Variants in METRNL observed in about 807,000 individuals in gnomAD.
METRNL encodes meteorin-like protein.
A neutral mutation model predicts 17.4 loss-of-function variants in METRNL; 9 were observed. That is an observed-to-expected ratio of 0.52 (90% CI 0.31 to 0.90). The LOEUF is 0.90. Among genes scored for constraint, METRNL ranks in the 40% least tolerant of loss-of-function variants. The pLI, the probability that METRNL is intolerant of heterozygous loss-of-function variation, is 0.05. For synonymous variants in METRNL, 215 were observed against 199.3 expected (o/e 1.08, Z -0.66); for missense variants, 408 against 430.7 (o/e 0.95, Z 0.47).
intron 1 of METRNL, among the ~76,000 whole-genome samples, chr17:83,082,743 C>T (rs1417516720): frequency 6.6e-6 from 1 of 152,198 alleles, no homozygotes; most frequent in African/African-American, 2.4e-5. Flanking sequence ...TTGAGGCACT[C>T]GATTTTCTGG....
chr17:83,089,308 G>A (rs1388045494), intron 2 of METRNL, among the ~76,000 whole-genome samples: 1 of 151,924 alleles, frequency 6.6e-6, no homozygotes, highest in Admixed American at 6.5e-5. Context: ...GTGTCCCCCC[G>A]CTACCCCGTC....
chr17:83,085,494 T>C (rs1200793287), intron 2 of METRNL, among the ~76,000 whole-genome samples, 171 bp downstream of exon 2: 2 of 151,910 alleles, frequency 1.3e-5, no homozygotes, highest in East Asian at 3.9e-4. Context: ...CCCAGGTGGC[T>C]GGGGTTGGGG....
intron 1 of METRNL, 185 bp from the exon 2 acceptor site, chr17:83,084,753 A>T: frequency 4.7e-6 from 3 of 633,728 alleles, no homozygotes; most frequent in Non-Finnish European, 2.6e-6. Context: ...CCTTGTGCCG[A>T]AGGGCGGAGA....
Position 83,094,605 on chromosome 17 carries a change from A to T in METRNL, c.*30A>T, listed in dbSNP as rs1395958509. The T allele has an allele frequency of 2.1e-6, 3 of 1,423,178 alleles. No homozygotes were observed. The highest frequency in any genetic ancestry group is 1.8e-6 in the Non-Finnish European group (2 of 1,083,806). 88.2% of individuals were successfully genotyped at this position (1,423,178 alleles called of 1,614,324 possible). ...GTGGGCCGCTGCCCTTCCTCTCCTG[A>T]TGAGTCACAGGCTGCGGTGGGCGCT... On this transcript the variant is annotated 3_prime_UTR_variant, in exon 4 of 4. Coordinates refer to ENST00000320095, the MANE Select transcript of METRNL (RefSeq NM_001004431.3).
At chr17:83,087,513 C>T (rs955866477) in intron 2 of METRNL, among the ~76,000 whole-genome samples, 10 of 152,104 alleles carry the variant, frequency 6.6e-5, no homozygotes, top group South Asian at 2.1e-4. Context: ...AGGAGGGATC[C>T]GAGGAGGCTG....
chr17:83,083,645 G>A (rs934052606), intron 1 of METRNL, among the ~76,000 whole-genome samples: 1 of 152,212 alleles, frequency 6.6e-6, no homozygotes, highest in Non-Finnish European at 1.5e-5. Flanking sequence ...GGTGGGGAGA[G>A]GGTGAGGAGG....
At chr17:83,093,110 G>T in intron 2 of METRNL, 57 bp from the exon 3 acceptor site, 1 of 1,456,558 alleles carries the variant, frequency 6.9e-7, no homozygotes. Flanking sequence ...GGTGGTGGGC[G>T]GCGTTCCAGA....
chr17:83,088,674 C>T (rs571531104), intron 2 of METRNL, among the ~76,000 whole-genome samples: 4 of 140,810 alleles, frequency 2.8e-5, no homozygotes, highest in East Asian at 5.4e-4. Flanking sequence ...TCCAGGACGC[C>T]GGAGTCCTGC....
intron 1 of METRNL, chr17:83,084,599 C>T (rs1014245453): frequency 1.1e-4 from 36 of 326,176 alleles, no homozygotes; most frequent in African/African-American, 4.3e-4. Context: ...TGGTGTTTGA[C>T]GCTACGGCAG....
rs1384966417 is a variant in METRNL at position 83,090,139 on chromosome 17, CCCCCG to C, written c.557-3018_557-3014del. On this transcript the variant is annotated intron_variant, in intron 2 of 3. Transcript: ENST00000320095. ...CCTGCCCCAGGGTGGGAGCCACACACCCCCGCCCCGCCCCAGGGTGGGAGCCACAC... is the reference window on the plus strand; with the variant it reads ...CCTGCCCCAGGGTGGGAGCCACACACCCCCGCCCCAGGGTGGGAGCCACAC... Among the ~76,000 whole-genome samples the C allele has an allele frequency of 9.7e-3, 1,396 of 143,288 alleles. 16 individuals carry two copies. The highest frequency in any genetic ancestry group is 0.014 in the Non-Finnish European group (913 of 63,382). The allele number at this position is 143,288 out of a possible 152,430, so 94.0% of individuals were successfully genotyped here. A position where few individuals can be genotyped will look rare whatever the true frequency, so the allele number is the denominator to read the frequency against.
chr17:83,081,675 C>A (rs1328867358), intron 1 of METRNL, among the ~76,000 whole-genome samples: 1 of 151,174 alleles, frequency 6.6e-6, no homozygotes, highest in Non-Finnish European at 1.5e-5. Flanking sequence ...CCCACACACA[C>A]ACACAGGGGA....
At chr17:83,093,612 C>A (rs112118474) in intron 3 of METRNL, among the ~76,000 whole-genome samples, 3 of 152,228 alleles carry the variant, frequency 2.0e-5, no homozygotes, top group South Asian at 4.1e-4. Flanking sequence ...CCTTGCCCCC[C>A]ACCAGAGTTC....
intron 2 of METRNL, among the ~76,000 whole-genome samples, chr17:83,089,716 C>T (rs866810032): frequency 3.9e-5 from 6 of 152,164 alleles, no homozygotes; most frequent in African/African-American, 1.4e-4. Flanking sequence ...ATGAGCCTGG[C>T]TCCTGTTAAT....
rs1468981346 is a variant in METRNL, at chr17:83,085,055, C to T, written c.288C>T (p.Asn96=). The change falls in exon 2 of 4, where the codon AAC becomes AAT. Residue 96 remains asparagine (N), a synonymous_variant. Transcript: ENST00000320095. ...TGALIVNLRP[N]TFSPARHLTV... is the part of the protein sequence containing the mutation. ...CTCTCATCGTTAACCTGCGGCCCAA[C>T]ACCTTCTCGCCTGCCCGGCACCTGA... 3.2e-5 allele frequency: 51 copies of T among 1,613,838 alleles called. No individual in the cohort carries two copies. The highest frequency in any genetic ancestry group is 4.0e-5 in the Non-Finnish European group (47 of 1,180,040).
At chr17:83,083,333 T>A (rs1163400784) in intron 1 of METRNL, among the ~76,000 whole-genome samples, 2 of 151,800 alleles carry the variant, frequency 1.3e-5, no homozygotes, top group Non-Finnish European at 2.9e-5. Flanking sequence ...CAGGACGGTG[T>A]ATGTGGAGAG....
chr17:83,089,663 A>T (rs1199695780), intron 2 of METRNL, among the ~76,000 whole-genome samples: 1 of 151,928 alleles, frequency 6.6e-6, no homozygotes, highest in Non-Finnish European at 1.5e-5. Flanking sequence ...CGCCCTGGAG[A>T]CGAGGTGCAA....
At chr17:83,082,408 C>G (rs1391104741) in intron 1 of METRNL, among the ~76,000 whole-genome samples, 6 of 152,230 alleles carry the variant, frequency 3.9e-5, no homozygotes, top group African/African-American at 1.4e-4. Flanking sequence ...TTGGGATTTG[C>G]CCTCCTTTCC....
At chr17:83,093,104 G>C (rs923591426) in intron 2 of METRNL, 63 bp from the exon 3 acceptor site, 18 of 1,405,698 alleles carry the variant, frequency 1.3e-5, no homozygotes, top group Admixed American at 3.5e-5. Flanking sequence ...TTTGACGGTG[G>C]TGGGCGGCGT....
rs559170305 is a variant in METRNL at position 83,091,233 on chromosome 17, C to A, written c.557-1934C>A. On this transcript the variant is annotated intron_variant, in intron 2 of 3. Transcript: ENST00000320095. ...GCCTCGAGGCGCCCCCAGTGCCAGG[C>A]TGGACCGGGCCTCGAGGCGCTCAGC... Among the ~76,000 whole-genome samples the A allele has an allele frequency of 1.2e-3, 177 of 151,796 alleles. 1 individual carries two copies. The highest frequency in any genetic ancestry group is 2.0e-3 in the Non-Finnish European group (138 of 67,738).
Sources: allele counts gnomAD v4.1 joint callset (sites outside exome capture counted in the v4.1 genomes callset), GRCh38; gene constraint gnomAD v4.1.1; transcripts MANE v1.5; gene names NCBI Gene and HGNC (gene_info 2026-07-23, HGNC 2026-07-21).